SCHIP1: variants seen among roughly 807,000 people sequenced by gnomAD.
SCHIP1 encodes schwannomin-interacting protein 1.
In SCHIP1, 8 loss-of-function variants were observed where a neutral mutation model predicts 29.7. The ratio of observed to expected loss-of-function variants is 0.27; its 90% confidence interval spans 0.16 to 0.49. SCHIP1 has a LOEUF of 0.49. SCHIP1 is among the 20% of genes least tolerant of loss of function. The pLI is 0.99. For synonymous variants in SCHIP1, 76 were observed against 94.9 expected, an observed-to-expected ratio of 0.80 and a Z score of 1.16; for missense variants, 193 against 294.6, an observed-to-expected ratio of 0.66 and a Z score of 2.52.
chr3:159,517,237 G>A, the SCHIP1 span, among the ~76,000 whole-genome samples: 23 of 152,094 alleles, frequency 1.5e-4, no homozygotes, highest in African/African-American at 5.6e-4. Context: ...ACTGAGACGA[G>A]CAATAATCAC....
chr3:159,853,625 T>C (rs992713598), intron 1 of SCHIP1, among the ~76,000 whole-genome samples: 1 of 152,260 alleles, frequency 6.6e-6, no homozygotes, highest in African/African-American at 2.4e-5. Context: ...GAAAGTTCTT[T>C]CTGCTTTTCC....
chr3:159,495,279 A>G, the SCHIP1 span, among the ~76,000 whole-genome samples: 2 of 152,244 alleles, frequency 1.3e-5, no homozygotes, highest in Non-Finnish European at 2.9e-5. Flanking sequence ...GGAGAAGGAA[A>G]TAAAGGACAT....
At chr3:159,835,998 A>G (rs933832561), upstream of SCHIP1, among the ~76,000 whole-genome samples, 2 of 152,194 alleles carry the variant, frequency 1.3e-5, no homozygotes, top group African/African-American at 2.4e-5. Flanking sequence ...CTTAAAACAT[A>G]CCTTGAATTG....
At chr3:159,593,132 C>G in the SCHIP1 span, among the ~76,000 whole-genome samples, 1 of 152,074 alleles carries the variant, frequency 6.6e-6, no homozygotes, top group Admixed American at 6.5e-5. Context: ...TAAAAAGACA[C>G]TATTTTAGGG....
the SCHIP1 span, among the ~76,000 whole-genome samples, chr3:159,822,787 G>C: frequency 6.6e-6 from 1 of 151,644 alleles, no homozygotes; most frequent in Non-Finnish European, 1.5e-5. Context: ...AGGGCTAACT[G>C]GTGTTGGTAT....
At chr3:159,807,521 A>T in the SCHIP1 span, among the ~76,000 whole-genome samples, 1 of 152,216 alleles carries the variant, frequency 6.6e-6, no homozygotes, top group Non-Finnish European at 1.5e-5. Context: ...GAGTATTTTT[A>T]GAATTTTGTT....
the SCHIP1 span, among the ~76,000 whole-genome samples, chr3:159,494,157 T>C: frequency 6.6e-6 from 1 of 152,066 alleles, no homozygotes; most frequent in Non-Finnish European, 1.5e-5. Flanking sequence ...GCAGGAAAGA[T>C]CTAAAATTGA....
chr3:159,464,062 TG>T, the SCHIP1 span, among the ~76,000 whole-genome samples: 1 of 152,224 alleles, frequency 6.6e-6, no homozygotes, highest in Non-Finnish European at 1.5e-5. Context: ...CATGTGAGAC[TG>T]TCTTTTGCAA....
chr3:159,864,602 G>A (rs1714423688), intron 1 of SCHIP1, among the ~76,000 whole-genome samples: 1 of 151,946 alleles, frequency 6.6e-6, no homozygotes, highest in Non-Finnish European at 1.5e-5. Context: ...CACTAAGTGT[G>A]TACAGTAGAA....
chr3:159,274,290 A>G, the SCHIP1 span: 1 of 985,106 alleles, frequency 1.0e-6, no homozygotes, highest in Non-Finnish European at 1.2e-6. Flanking sequence ...TGGGAAGATC[A>G]GTGTTAAACT....
At chr3:159,578,376 T>C in the SCHIP1 span, among the ~76,000 whole-genome samples, 2 of 152,222 alleles carry the variant, frequency 1.3e-5, no homozygotes, top group African/African-American at 4.8e-5. Context: ...GTTGAAATAT[T>C]ATGGGCATAT....
the SCHIP1 span, among the ~76,000 whole-genome samples, chr3:159,580,473 G>A: frequency 2.6e-5 from 4 of 152,144 alleles, no homozygotes; most frequent in South Asian, 2.1e-4. Context: ...CAAGGCAGAC[G>A]GAGAGACGTG....
At chr3:159,304,958 C>T in the SCHIP1 span, among the ~76,000 whole-genome samples, 1 of 152,182 alleles carries the variant, frequency 6.6e-6, no homozygotes, top group African/African-American at 2.4e-5. Flanking sequence ...TCTCTCAAAC[C>T]CCGATCCCTC....
the SCHIP1 span, among the ~76,000 whole-genome samples, chr3:159,750,280 T>C: frequency 4.0e-5 from 1 of 25,018 alleles, no homozygotes; most frequent in African/African-American, 8.4e-5. Flanking sequence ...TATATATATA[T>C]ATATATATAT....
At chr3:159,566,744 G>A in the SCHIP1 span, among the ~76,000 whole-genome samples, 132 of 152,228 alleles carry the variant, frequency 8.7e-4, 2 homozygotes, top group Non-Finnish European at 1.3e-4. Context: ...TAAAACAGAC[G>A]AGGAGGAAAA....
chr3:159,806,233 A>G, the SCHIP1 span, among the ~76,000 whole-genome samples: 3 of 152,200 alleles, frequency 2.0e-5, no homozygotes, highest in Non-Finnish European at 4.4e-5. Flanking sequence ...GTTGTGGAAT[A>G]CCCACTATCT....
the SCHIP1 span, among the ~76,000 whole-genome samples, chr3:159,345,329 T>TTGA: frequency 1.3e-5 from 2 of 152,016 alleles, no homozygotes; most frequent in South Asian, 2.1e-4. Context: ...GAAAATTGCA[T>TTGA]TGATACTAAA....
At chr3:159,281,149 G>C in the SCHIP1 span, among the ~76,000 whole-genome samples, 1 of 152,146 alleles carries the variant, frequency 6.6e-6, no homozygotes, top group South Asian at 2.1e-4. Context: ...TTATGCAAAA[G>C]TCGCCCTTGC....
chr3:159,674,159 C>T, the SCHIP1 span, among the ~76,000 whole-genome samples: 5 of 152,360 alleles, frequency 3.3e-5, no homozygotes, highest in African/African-American at 1.2e-4. Flanking sequence ...CAAACTTTCA[C>T]TCTCTTCATC....
Sources: gnomAD v4.1 joint callset for allele counts (sites outside exome capture counted in the v4.1 genomes callset) on GRCh38, gnomAD v4.1.1 for gene constraint, MANE v1.5 for transcripts, NCBI Gene and HGNC (gene_info 2026-07-23, HGNC 2026-07-21) for gene names.